The following DOCK3 variants were observed in gnomAD, a reference collection of about 807,000 sequenced individuals.
The protein encoded by DOCK3 is dedicator of cytokinesis protein 3.
A neutral mutation model predicts 265.6 loss-of-function variants in DOCK3; 60 were observed. That is an observed-to-expected ratio of 0.23 (90% CI 0.18 to 0.28). DOCK3 has a LOEUF of 0.28. Among genes scored for constraint, DOCK3 ranks in the 10% least tolerant of loss-of-function variants. DOCK3 has a pLI of 1.00. For missense variants in DOCK3, 1,981 were observed against 2,594.3 expected (o/e 0.76, Z 5.14); for synonymous variants, 881 against 938.0 (o/e 0.94, Z 1.11).
chr3:51,341,079 G>A (rs2085205981), intron 37 of DOCK3, among the ~76,000 whole-genome samples, 158 bp from the exon 38 acceptor site: 1 of 152,222 alleles, frequency 6.6e-6, no homozygotes, highest in African/African-American at 2.4e-5. Flanking sequence ...GGCTTGTTGA[G>A]CAGCCCTACT....
At chr3:51,113,620 C>A (rs1333813902) in intron 9 of DOCK3, among the ~76,000 whole-genome samples, 1 of 152,132 alleles carries the variant, frequency 6.6e-6, no homozygotes, top group African/African-American at 2.4e-5. Context: ...ACTGCAAGAC[C>A]CCAGATAAAT....
At chr3:51,291,813 C>T (rs1283103427) in intron 27 of DOCK3, among the ~76,000 whole-genome samples, 2 of 152,122 alleles carry the variant, frequency 1.3e-5, no homozygotes, top group African/African-American at 4.8e-5. Flanking sequence ...AGCTATAGGT[C>T]AGTAACATGG....
intron 9 of DOCK3, among the ~76,000 whole-genome samples, chr3:51,101,404 G>A (rs551189736): frequency 1.3e-5 from 2 of 152,312 alleles, no homozygotes; most frequent in East Asian, 1.9e-4. Context: ...ACAGGCGTGA[G>A]CCACCGCGCC....
intron 2 of DOCK3, among the ~76,000 whole-genome samples, chr3:50,833,545 T>A (rs2045320451): frequency 6.6e-6 from 1 of 152,172 alleles, no homozygotes; most frequent in South Asian, 2.1e-4. Context: ...CAAATACCTA[T>A]GAATTGGGTA....
chr3:51,379,691 C>T (rs375049939), intron 51 of DOCK3: 2 of 925,636 alleles, frequency 2.2e-6, no homozygotes, highest in East Asian at 2.3e-4. Flanking sequence ...TCAGCCAAAG[C>T]CAAAACACCC....
At chr3:50,787,337 A>C in intron 2 of DOCK3, 1 of 411,184 alleles carries the variant, frequency 2.4e-6, no homozygotes, top group Non-Finnish European at 4.5e-6. Flanking sequence ...GGAGTTCGAG[A>C]CCAGCCTGAT....
At chr3:51,005,787 C>T (rs1287691675) in intron 5 of DOCK3, among the ~76,000 whole-genome samples, 1 of 152,076 alleles carries the variant, frequency 6.6e-6, no homozygotes, top group Non-Finnish European at 1.5e-5. Flanking sequence ...TTTCTCTCCT[C>T]CCTCCCTTGC....
At chr3:50,862,689 A>T (rs149269535) in intron 3 of DOCK3, among the ~76,000 whole-genome samples, 4 of 152,130 alleles carry the variant, frequency 2.6e-5, no homozygotes, top group East Asian at 1.9e-4. Context: ...TGCCCTTCTC[A>T]TGGCTACCAC....
rs573267050 is a variant in DOCK3 at position 51,108,038 on chromosome 3, A to G, written c.746+17654A>G. Among the ~76,000 whole-genome samples, 106 of 146,010 alleles carry G rather than the reference A, an allele frequency of 7.3e-4. 2 individuals carry two copies. The South Asian group carries it at 0.014, about 19-fold the overall frequency. On this transcript the variant is annotated intron_variant, in intron 9 of 52. Coordinates refer to ENST00000266037, the MANE Select transcript of DOCK3 (RefSeq NM_004947.5). ...AAGAGATTGAGGGCCAATATTCAAC[A>G]TTCTTTTTTTTTTTTTTTGAGACAG...
At chr3:50,682,834 A>G (rs34266990) in intron 1 of DOCK3, among the ~76,000 whole-genome samples, 14,361 of 152,270 alleles carry the variant, frequency 0.094, 837 homozygotes, top group Non-Finnish European at 0.12. Context: ...AGCTGCTCGG[A>G]AGGCTGAGGC....
chr3:51,054,156 G>A (rs980182435), intron 5 of DOCK3, among the ~76,000 whole-genome samples: 1 of 150,488 alleles, frequency 6.6e-6, no homozygotes, highest in African/African-American at 2.4e-5. Flanking sequence ...AGAGTTTGTG[G>A]GAGAATTTTT....
intron 9 of DOCK3, among the ~76,000 whole-genome samples, chr3:51,131,925 G>A (rs1453338005): frequency 6.6e-6 from 1 of 152,182 alleles, no homozygotes; most frequent in African/African-American, 2.4e-5. Flanking sequence ...TCAAAATGCA[G>A]GTGTTGCCCT....
chr3:50,698,542 T>TTTTTTTTTTTTTTTTTTTTTTTTTTTTCA (rs2035819935), intron 1 of DOCK3, among the ~76,000 whole-genome samples: 1 of 132,222 alleles, frequency 7.6e-6, no homozygotes, highest in African/African-American at 2.9e-5. Flanking sequence ...TTTTTTTTTT[T>TTTTTTTTTTTTTTTTTTTTTTTTTTTTCA]GCTATATACC....
chr3:51,322,453 T>G (rs2109807380), intron 32 of DOCK3, among the ~76,000 whole-genome samples: 2 of 152,204 alleles, frequency 1.3e-5, no homozygotes, highest in East Asian at 1.9e-4. Context: ...TCTGCCCACC[T>G]CAGCCTCCCA....
intron 14 of DOCK3, among the ~76,000 whole-genome samples, chr3:51,217,591 C>G (rs1043225270): frequency 6.6e-6 from 1 of 152,176 alleles, no homozygotes; most frequent in Non-Finnish European, 1.5e-5. Context: ...TCTTTCCTTC[C>G]AAACTCATTT....
chr3:51,119,209 C>A (rs548420551), intron 9 of DOCK3, among the ~76,000 whole-genome samples: 4 of 152,160 alleles, frequency 2.6e-5, no homozygotes, highest in Admixed American at 6.5e-5. Context: ...AATTATATTT[C>A]TCCTTCACTT....
intron 22 of DOCK3, among the ~76,000 whole-genome samples, chr3:51,252,734 G>T (rs1055036607): frequency 5.9e-5 from 9 of 152,200 alleles, no homozygotes; most frequent in East Asian, 1.9e-4. Flanking sequence ...CTTTGCTGAA[G>T]TTGCTTATCA....
chr3:51,148,927 C>T (rs913014838), intron 10 of DOCK3, among the ~76,000 whole-genome samples: 17 of 152,132 alleles, frequency 1.1e-4, no homozygotes, highest in Non-Finnish European at 1.9e-4. Context: ...TATAAATTAC[C>T]TTGGGCAATA....
chr3:50,735,010 TG>T (rs1007741362), intron 1 of DOCK3, among the ~76,000 whole-genome samples: 1 of 152,246 alleles, frequency 6.6e-6, no homozygotes, highest in Non-Finnish European at 1.5e-5. Context: ...CTAGTGTTGA[TG>T]AACTGCCTCA....
Sources: gnomAD v4.1 joint callset for allele counts (sites outside exome capture counted in the v4.1 genomes callset) on GRCh38, gnomAD v4.1.1 for gene constraint, MANE v1.5 for transcripts, NCBI Gene and HGNC (gene_info 2026-07-23, HGNC 2026-07-21) for gene names.